KIF26B: variants seen among roughly 807,000 people sequenced by gnomAD.
The protein encoded by KIF26B is kinesin family member 26B, also known as kinesin-like protein KIF26B.
A neutral mutation model predicts 151.2 loss-of-function variants in KIF26B; 63 were observed. The observed-to-expected ratio is 0.42, with a 90% CI of 0.34 to 0.51. The LOEUF is 0.51. Ranked by LOEUF, KIF26B falls within the 20% of genes least tolerant of loss-of-function variation. The pLI, the probability that KIF26B is intolerant of heterozygous loss-of-function variation, is 0.07. For missense variants in KIF26B, 2,813 were observed against 2,913.6 expected, an observed-to-expected ratio of 0.97 and a Z score of 0.79; for synonymous variants, 1,357 against 1,262.1, an observed-to-expected ratio of 1.08 and a Z score of -1.59.
intron 2 of KIF26B, among the ~76,000 whole-genome samples, chr1:245,171,682 A>G (rs1668711859): frequency 6.6e-6 from 1 of 152,188 alleles, no homozygotes. Flanking sequence ...GCATTTTATA[A>G]TCATAGAACG....
At chr1:245,180,051 C>A (rs775593374) in intron 2 of KIF26B, among the ~76,000 whole-genome samples, 1 of 152,194 alleles carries the variant, frequency 6.6e-6, no homozygotes, top group Admixed American at 6.5e-5. Flanking sequence ...CCTGGATAAT[C>A]GCTGGCAGCA....
chr1:245,685,874 G>C lies in KIF26B; in HGVS notation c.2891G>C (p.Arg964Pro). ...CCAGAGCAGGCAAGCAGAGGCCCCC[G>C]GTTAAGCCAAGCAGCGGGGGCAAGC... ...FGPEQASRGP[R>P]LSQAAGASPL... The change falls in exon 12 of 15, where the codon CGG becomes CCG. Residue 964 changes from arginine to proline, a missense_variant. Physicochemically the swap from Arg to Pro is moderately radical, Grantham distance 103. This residue lies in a region of KIF26B where 2,060 missense variants were observed against 2,088.6 expected (regional missense o/e 0.99). Transcript: ENST00000407071. 6.2e-7 allele frequency: 1 copy of C among 1,612,946 alleles called. No homozygotes were observed. Among genetic ancestry groups the C allele is most frequent in the South Asian group, 1.1e-5 (1 of 90,978 alleles).
At position 245,195,438 on chromosome 1, in the gene KIF26B, G is replaced by T. The variant is rs146498840; in HGVS notation, c.465+38755G>T. Among the ~76,000 whole-genome samples, 8 of 152,306 alleles carry T rather than the reference G, an allele frequency of 5.3e-5. No homozygotes were observed. In the East Asian group the frequency reaches 9.6e-4, roughly 18 times the overall value. On this transcript the variant is annotated intron_variant, in intron 2 of 14. Transcript: ENST00000407071. ...GTTCCCACCTGACCTTGTGAGATGC[G>T]CTAGGTGGATTATGGTCTTTGAACT...
intron 4 of KIF26B, among the ~76,000 whole-genome samples, chr1:245,482,415 C>T (rs898140535): frequency 6.6e-6 from 1 of 151,770 alleles, no homozygotes; most frequent in African/African-American, 2.4e-5. Context: ...GTAAGACCTT[C>T]CAATGAGTAA....
At chr1:245,159,476 A>G (rs1037782020) in intron 2 of KIF26B, among the ~76,000 whole-genome samples, 4 of 152,176 alleles carry the variant, frequency 2.6e-5, no homozygotes, top group Non-Finnish European at 5.9e-5. Flanking sequence ...GACTATTAAA[A>G]CGTCATTAAA....
chr1:245,669,711 G>T (rs147634469), intron 10 of KIF26B, among the ~76,000 whole-genome samples: 3 of 152,214 alleles, frequency 2.0e-5, no homozygotes, highest in Non-Finnish European at 4.4e-5. Context: ...ATTGCAGTCC[G>T]TGTGCGTTGC....
chr1:245,184,643 T>C (rs1668970156), intron 2 of KIF26B, among the ~76,000 whole-genome samples: 2 of 152,244 alleles, frequency 1.3e-5, no homozygotes. Context: ...AAATTAAATA[T>C]GGAGTGTTAC....
intron 2 of KIF26B, among the ~76,000 whole-genome samples, chr1:245,295,894 G>A (rs564807410): frequency 6.6e-6 from 1 of 152,312 alleles, no homozygotes; most frequent in African/African-American, 2.4e-5. Flanking sequence ...AAGGAGGCCT[G>A]AATGGGCGTG....
At chr1:245,370,107 G>A (rs186200319) in intron 3 of KIF26B, among the ~76,000 whole-genome samples, 3 of 151,976 alleles carry the variant, frequency 2.0e-5, no homozygotes, top group Admixed American at 2.0e-4. Context: ...TTTAAAAGTC[G>A]ATGTCACCCG....
intron 3 of KIF26B, among the ~76,000 whole-genome samples, chr1:245,395,639 T>C (rs931450368): frequency 1.3e-5 from 2 of 152,164 alleles, no homozygotes; most frequent in South Asian, 4.2e-4. Flanking sequence ...TCAGAACCTT[T>C]TTTCCTGGCA....
intron 9 of KIF26B, among the ~76,000 whole-genome samples, chr1:245,634,138 G>T: frequency 6.6e-6 from 1 of 152,166 alleles, no homozygotes; most frequent in East Asian, 1.9e-4. Context: ...CTAATTGTTT[G>T]TTACTATGAT....
chr1:245,701,248 AAG>A (rs1376520646), intron 14 of KIF26B, among the ~76,000 whole-genome samples: 3 of 152,214 alleles, frequency 2.0e-5, no homozygotes, highest in African/African-American at 7.2e-5. Flanking sequence ...TAATGAAAAA[AAG>A]GATCAATGAG....
intron 4 of KIF26B, among the ~76,000 whole-genome samples, chr1:245,531,899 C>A (rs1661370303): frequency 6.6e-6 from 1 of 152,150 alleles, no homozygotes; most frequent in South Asian, 2.1e-4. Context: ...GAGTTCAAGA[C>A]CATCCTGGGC....
At position 245,367,492 on chromosome 1, in the gene KIF26B, G is replaced by A; in HGVS notation, c.999+125G>A. 1 of 926,018 alleles carries A rather than the reference G, an allele frequency of 1.1e-6. No homozygotes were observed. Among genetic ancestry groups the A allele is most frequent in the Non-Finnish European group, 1.6e-6 (1 of 631,852 alleles). The allele number at this position is 926,018 out of a possible 1,614,324, so 57.4% of individuals were successfully genotyped here. A position where few individuals can be genotyped will look rare whatever the true frequency, so the allele number is the denominator to read the frequency against. ...AACTCAGAGCCCAGTGTTTCCATGTGGCCCCCACAGAGTTCTCATCAAGGT... is the reference window on the plus strand; with the variant it reads ...AACTCAGAGCCCAGTGTTTCCATGTAGCCCCCACAGAGTTCTCATCAAGGT... On this transcript the variant is annotated intron_variant, in intron 3 of 14. Coordinates refer to ENST00000407071, the MANE Select transcript of KIF26B (RefSeq NM_018012.4). The surrounding 1 kb of genome is among the most constrained non-coding windows in gnomAD (Gnocchi z 4.2).
chr1:245,560,843 G>GT lies in KIF26B; in HGVS notation c.1350+19894dup, dbSNP rs1468036992. Among the ~76,000 whole-genome samples, 3 of 152,148 alleles carry GT rather than the reference G, an allele frequency of 2.0e-5. No individual in the cohort carries two copies. Among genetic ancestry groups the GT allele is most frequent in the Admixed American group, 2.0e-4 (3 of 15,272 alleles). The stretch of plus-strand genomic sequence containing the variant: ...ACAGGGACAGCCTCCGCAGACTCCC[G>GT]TGTGTGTGCTCTGGAGAGAAAAGAT... On this transcript the variant is annotated intron_variant, in intron 5 of 14. Transcript: ENST00000407071. This position sits in a 1 kb window ranked among gnomAD's most constrained non-coding sequence, Gnocchi z 4.3.
In KIF26B at chr1:245,685,685, G is replaced by T; in HGVS notation, c.2702G>T (p.Gly901Val). The T allele has an allele frequency of 6.2e-7, 1 of 1,612,972 alleles. No homozygotes were observed. The highest frequency in any genetic ancestry group is 1.1e-5 in the South Asian group (1 of 91,048). ...PIVPALQKTR[G>V]DSRPAEAGEA... ...GTGCCAGCCCTGCAGAAGACCCGGGGCGACAGCCGGCCCGCAGAGGCAGGA... is the reference window on the plus strand; with the variant it reads ...GTGCCAGCCCTGCAGAAGACCCGGGTCGACAGCCGGCCCGCAGAGGCAGGA... Residue 901 changes from glycine to valine, a missense_variant, in exon 12 of 15, where the codon GGC becomes GTC. This residue lies in a region of KIF26B where 2,060 missense variants were observed against 2,088.6 expected (regional missense o/e 0.99). Coordinates refer to ENST00000407071, the MANE Select transcript of KIF26B (RefSeq NM_018012.4).
At chr1:245,595,956 G>A (rs1161037647) in intron 5 of KIF26B, among the ~76,000 whole-genome samples, 1 of 152,202 alleles carries the variant, frequency 6.6e-6, no homozygotes, top group Non-Finnish European at 1.5e-5. Flanking sequence ...GCATAGAGGT[G>A]TTCATAGTAT....
chr1:245,208,179 A>T (rs999442999), intron 2 of KIF26B, among the ~76,000 whole-genome samples: 1 of 152,232 alleles, frequency 6.6e-6, no homozygotes, highest in African/African-American at 2.4e-5. Context: ...ATAGGCTGGC[A>T]GTGGGACTCT....
intron 9 of KIF26B, among the ~76,000 whole-genome samples, chr1:245,639,103 C>T (rs1020425984): frequency 2.0e-5 from 3 of 151,814 alleles, no homozygotes; most frequent in African/African-American, 7.2e-5. Flanking sequence ...CCATCAGTTC[C>T]CTGGCTTCTC....
Sources: allele counts gnomAD v4.1 joint callset (sites outside exome capture counted in the v4.1 genomes callset), GRCh38; gene constraint gnomAD v4.1.1; regional missense constraint gnomAD v4.1.1; non-coding constraint Gnocchi (gnomAD v3.1); transcripts MANE v1.5; gene names NCBI Gene and HGNC (gene_info 2026-07-23, HGNC 2026-07-21).